OPCML: variants seen among roughly 807,000 people sequenced by gnomAD.
OPCML encodes the protein opioid-binding protein/cell adhesion molecule.
A neutral mutation model predicts 37.8 loss-of-function variants in OPCML; 13 were observed. The observed-to-expected ratio is 0.34, with a 90% confidence interval of 0.22 to 0.55. OPCML has a LOEUF of 0.55. Ranked by LOEUF, OPCML falls within the 20% of genes least tolerant of loss-of-function variation. The pLI, the probability that OPCML is intolerant of heterozygous loss-of-function variation, is 0.91. For missense variants in OPCML, 341 were observed against 435.6 expected (o/e 0.78, Z 1.93); for synonymous variants, 176 against 168.8 (o/e 1.04, Z -0.33).
intron 1 of OPCML, among the ~76,000 whole-genome samples, chr11:133,463,461 A>T (rs1055545546): frequency 1.2e-4 from 18 of 152,326 alleles, no homozygotes; most frequent in Admixed American, 6.5e-4. Flanking sequence ...TAACAACATT[A>T]TTTTAAGGGC....
chr11:132,974,151 A>T (rs1480214491), intron 1 of OPCML, among the ~76,000 whole-genome samples: 1 of 152,214 alleles, frequency 6.6e-6, no homozygotes, highest in Non-Finnish European at 1.5e-5. Context: ...CCTTTATTAT[A>T]TTTCAGCCTC....
chr11:133,455,695 C>T (rs1050400844), intron 1 of OPCML, among the ~76,000 whole-genome samples: 1 of 152,104 alleles, frequency 6.6e-6, no homozygotes, highest in Non-Finnish European at 1.5e-5. Flanking sequence ...GTCAGCAAGG[C>T]GGCAGGCTAG....
At chr11:133,448,642 G>C (rs1358958990) in intron 1 of OPCML, among the ~76,000 whole-genome samples, 2 of 152,144 alleles carry the variant, frequency 1.3e-5, no homozygotes, top group African/African-American at 4.8e-5. Context: ...ATTTTTAGTA[G>C]AGATGGGGTT....
chr11:132,707,690 A>G (rs79179096), intron 2 of OPCML, among the ~76,000 whole-genome samples: 245 of 152,310 alleles, frequency 1.6e-3, no homozygotes, highest in African/African-American at 5.7e-3. Context: ...AGCAGGCCTT[A>G]TGGGTATTTC....
intron 1 of OPCML, among the ~76,000 whole-genome samples, chr11:133,244,045 G>A (rs1448340959): frequency 2.0e-5 from 3 of 152,336 alleles, no homozygotes; most frequent in East Asian, 3.9e-4. Context: ...CCAGGGGTGA[G>A]AAGGCAGACT....
chr11:133,158,062 A>G (rs182155458), intron 1 of OPCML, among the ~76,000 whole-genome samples: 94 of 152,328 alleles, frequency 6.2e-4, no homozygotes, highest in African/African-American at 2.1e-3. Context: ...TTCAATGTGC[A>G]TTTGGAACTT....
intron 1 of OPCML, among the ~76,000 whole-genome samples, chr11:132,973,506 A>G (rs1050737559): frequency 2.6e-5 from 4 of 152,164 alleles, no homozygotes; most frequent in African/African-American, 7.2e-5. Context: ...TAATTGCTCC[A>G]ACACCTTAGA....
intron 2 of OPCML, among the ~76,000 whole-genome samples, chr11:132,666,759 G>A (rs1942244880): frequency 6.6e-6 from 1 of 152,208 alleles, no homozygotes; most frequent in Admixed American, 6.5e-5. Context: ...GGTAAGGAAT[G>A]GAGTGGAAGC....
At chr11:132,436,445 C>T in intron 6 of OPCML, 1 of 952,076 alleles carries the variant, frequency 1.1e-6, no homozygotes, top group Non-Finnish European at 1.3e-6. Flanking sequence ...TACAACCAGT[C>T]TCAGATTCAG....
chr11:132,873,062 C>T (rs554712838), intron 2 of OPCML, among the ~76,000 whole-genome samples: 14 of 152,158 alleles, frequency 9.2e-5, no homozygotes, highest in Middle Eastern at 3.2e-3. Context: ...CTCTGTCATC[C>T]TCTGCCTCAC....
intron 3 of OPCML, among the ~76,000 whole-genome samples, chr11:132,617,104 C>T (rs553707964): frequency 2.7e-4 from 41 of 152,204 alleles, no homozygotes; most frequent in Non-Finnish European, 5.1e-4. Flanking sequence ...CTACTCGAAA[C>T]ATTCTAAGAT....
chr11:132,534,594 C>A (rs569399224), intron 3 of OPCML, among the ~76,000 whole-genome samples: 24 of 152,238 alleles, frequency 1.6e-4, no homozygotes, highest in Admixed American at 1.5e-3. Flanking sequence ...ATCAGCCCCA[C>A]CCTGCATAAA....
chr11:132,561,332 G>C (rs541322933), intron 3 of OPCML, among the ~76,000 whole-genome samples: 1 of 152,158 alleles, frequency 6.6e-6, no homozygotes, highest in Non-Finnish European at 1.5e-5. Flanking sequence ...ATTAAGTTGT[G>C]CTTCTTAAAA....
rs575800482 is a variant in OPCML at position 132,669,845 on chromosome 11, G to A, written c.147-12526C>T. On this transcript the variant is annotated intron_variant, in intron 2 of 7. Coordinates refer to ENST00000524381, the MANE Select transcript of OPCML (RefSeq NM_001012393.5). Reference sequence around the variant, plus strand: ...CATCAGCAATGGTTTGGAGTTCCACGTAAAGTTGTAAAAGGCAATGAAGGT... The same window carrying A: ...CATCAGCAATGGTTTGGAGTTCCACATAAAGTTGTAAAAGGCAATGAAGGT... Among the ~76,000 whole-genome samples the A allele has an allele frequency of 6.2e-4, 94 of 152,198 alleles. No homozygotes were observed. In the Middle Eastern group the frequency reaches 0.01, roughly 17 times the overall value.
At chr11:132,761,994 C>T (rs1322583375) in intron 2 of OPCML, among the ~76,000 whole-genome samples, 1 of 151,976 alleles carries the variant, frequency 6.6e-6, no homozygotes, top group Non-Finnish European at 1.5e-5. Context: ...TGGGTTTTTG[C>T]GTGGGTGTCT....
At chr11:132,810,015 A>T (rs1202594884) in intron 2 of OPCML, among the ~76,000 whole-genome samples, 3 of 151,866 alleles carry the variant, frequency 2.0e-5, no homozygotes, top group Admixed American at 6.6e-5. Flanking sequence ...ACGCCCGGCT[A>T]ATTTTTTGTA....
chr11:132,941,497 A>ATC (rs1945576558), intron 2 of OPCML, among the ~76,000 whole-genome samples: 1 of 152,200 alleles, frequency 6.6e-6, no homozygotes. Context: ...TGCTGCTTAT[A>ATC]TCTTTAAGCC....
At chr11:132,831,570 A>G (rs75808895) in intron 2 of OPCML, among the ~76,000 whole-genome samples, 1,944 of 152,220 alleles carry the variant, frequency 0.013, 35 homozygotes, top group African/African-American at 0.044. Flanking sequence ...CTTAATTGCC[A>G]TCTTTAAATA....
At chr11:132,605,338 A>T (rs997225048) in intron 3 of OPCML, among the ~76,000 whole-genome samples, 3 of 151,940 alleles carry the variant, frequency 2.0e-5, no homozygotes, top group African/African-American at 7.3e-5. Flanking sequence ...TGGGTGGATC[A>T]TGAGGTCAGG....
Sources: gnomAD v4.1 joint callset for allele counts (sites outside exome capture counted in the v4.1 genomes callset) on GRCh38, gnomAD v4.1.1 for gene constraint, MANE v1.5 for transcripts, NCBI Gene and HGNC (gene_info 2026-07-23, HGNC 2026-07-21) for gene names.